ST8SIA1: variants seen among roughly 807,000 people sequenced by gnomAD.
ST8SIA1 encodes alpha-N-acetylneuraminide alpha-2,8-sialyltransferase.
In ST8SIA1, 16 loss-of-function variants were observed where a neutral mutation model predicts 35.9. The observed-to-expected ratio is 0.45, with a 90% CI of 0.30 to 0.68. ST8SIA1 has a LOEUF of 0.68. Ranked by LOEUF, ST8SIA1 falls within the 30% of genes least tolerant of loss-of-function variation. The pLI, the probability that ST8SIA1 is intolerant of heterozygous loss-of-function variation, is 0.09. For synonymous variants in ST8SIA1, 170 were observed against 169.6 expected, an observed-to-expected ratio of 1.00 and a Z score of -0.02; for missense variants, 383 against 453.6, an observed-to-expected ratio of 0.84 and a Z score of 1.41.
chr12:22,222,796 A>C (rs1209623253), intron 4 of ST8SIA1, among the ~76,000 whole-genome samples: 1 of 152,046 alleles, frequency 6.6e-6, no homozygotes, highest in Non-Finnish European at 1.5e-5. Flanking sequence ...TTTAACCCAA[A>C]TATTATATAT....
chr12:22,271,658 A>G (rs545468321), intron 2 of ST8SIA1, among the ~76,000 whole-genome samples: 2 of 152,352 alleles, frequency 1.3e-5, no homozygotes, highest in South Asian at 2.1e-4. Context: ...CATTCAGTCA[A>G]TATGACCTAT....
intron 1 of ST8SIA1, among the ~76,000 whole-genome samples, chr12:22,312,805 T>C (rs1056155655): frequency 1.7e-4 from 26 of 152,092 alleles, no homozygotes; most frequent in African/African-American, 5.8e-4. Flanking sequence ...CAAGCAAAAC[T>C]TTACTAAACT....
intron 4 of ST8SIA1, among the ~76,000 whole-genome samples, chr12:22,225,801 ACT>A (rs945530723): frequency 1.3e-5 from 2 of 152,260 alleles, no homozygotes; most frequent in African/African-American, 4.8e-5. Context: ...AACAAGAACC[ACT>A]GTTTGCTCAA....
chr12:22,284,649 G>C (rs1866075357), intron 2 of ST8SIA1, among the ~76,000 whole-genome samples: 1 of 152,094 alleles, frequency 6.6e-6, no homozygotes, highest in Non-Finnish European at 1.5e-5. Context: ...TCTGCCTTTT[G>C]CAATGGCTGT....
rs73251954 is a variant in ST8SIA1 at position 22,296,163 on chromosome 12, A to G, written c.237-8870T>C. On this transcript the variant is annotated intron_variant, in intron 1 of 4. Transcript: ENST00000396037. ...TGGTATGCTGAAAGGCCATCAAGGA[A>G]ACCAGCGAATCTAGAATAAAGTGAG... Among the ~76,000 whole-genome samples the G allele has an allele frequency of 8.7e-4, 133 of 152,284 alleles. 1 individual carries two copies. Among genetic ancestry groups the G allele is most frequent in the African/African-American group, 3.0e-3 (124 of 41,572 alleles).
At chr12:22,304,242 C>A (rs1319867788) in intron 1 of ST8SIA1, among the ~76,000 whole-genome samples, 1 of 151,682 alleles carries the variant, frequency 6.6e-6, no homozygotes, top group African/African-American at 2.4e-5. Flanking sequence ...AGCTAACATC[C>A]AAAAATGTAT....
intron 1 of ST8SIA1, among the ~76,000 whole-genome samples, chr12:22,315,432 TG>T (rs1374751620): frequency 6.6e-6 from 1 of 152,174 alleles, no homozygotes; most frequent in Admixed American, 6.6e-5. Context: ...TAACACGTAC[TG>T]ATTTTTAAAA....
intron 1 of ST8SIA1, among the ~76,000 whole-genome samples, chr12:22,289,302 T>TATTATC (rs1866146247): frequency 6.6e-6 from 1 of 151,678 alleles, no homozygotes; most frequent in South Asian, 2.1e-4. Flanking sequence ...TTATTATTAT[T>TATTATC]ATCATCATGA....
At chr12:22,204,131 G>T (rs1865079916) in intron 4 of ST8SIA1, among the ~76,000 whole-genome samples, 1 of 151,622 alleles carries the variant, frequency 6.6e-6, no homozygotes, top group Non-Finnish European at 1.5e-5. Context: ...GAGACAAGCT[G>T]TTTCACATAT....
intron 2 of ST8SIA1, among the ~76,000 whole-genome samples, chr12:22,274,715 C>T (rs183706402): frequency 4.6e-5 from 7 of 152,196 alleles, no homozygotes; most frequent in Non-Finnish European, 8.8e-5. Flanking sequence ...GCATCCAGGA[C>T]CTTTCCTTCT....
intron 1 of ST8SIA1, among the ~76,000 whole-genome samples, chr12:22,319,716 A>G (rs1866560035): frequency 6.6e-6 from 1 of 152,112 alleles, no homozygotes; most frequent in African/African-American, 2.4e-5. Context: ...AGAAAAACCT[A>G]TTGAGAATGG....
At position 22,230,579 on chromosome 12, in the gene ST8SIA1, A is replaced by C. The variant is rs185162161; in HGVS notation, c.584+18427T>G. ...GTGTCTGCAGTTTCTCCAGTTAAAGAATTATTCTATTTCTTTAAAGCATTT... is the reference window on the plus strand; with the variant it reads ...GTGTCTGCAGTTTCTCCAGTTAAAGCATTATTCTATTTCTTTAAAGCATTT... On this transcript the variant is annotated intron_variant, in intron 4 of 4. Coordinates refer to ENST00000396037, the MANE Select transcript of ST8SIA1 (RefSeq NM_003034.4). Among the ~76,000 whole-genome samples, 11 of 152,292 alleles carry C rather than the reference A, an allele frequency of 7.2e-5. No homozygotes were observed. The East Asian group carries it at 2.1e-3, about 29-fold the overall frequency.
intron 1 of ST8SIA1, among the ~76,000 whole-genome samples, chr12:22,320,856 GAAAA>G (rs1322410655): frequency 1.8e-5 from 2 of 113,962 alleles, no homozygotes; most frequent in Non-Finnish European, 1.9e-5. Flanking sequence ...AGAGAGAGAA[GAAAA>G]AAAGAAAGAA....
rs1865025808 is a variant in ST8SIA1 at position 22,199,360 on chromosome 12, T to C, written c.*2192A>G. 1 of 103,266 alleles carries C rather than the reference T, an allele frequency of 9.7e-6. No individual in the cohort carries two copies. Among genetic ancestry groups the C allele is most frequent in the Non-Finnish European group, 2.2e-5 (1 of 45,884 alleles). 6.4% of individuals were successfully genotyped at this position (103,266 alleles called of 1,614,324 possible). On this transcript the variant is annotated 3_prime_UTR_variant, in exon 5 of 5. Transcript: ENST00000396037. The stretch of plus-strand genomic sequence containing the variant: ...ATTAAAGTACTAATCTGAGTAACAT[T>C]TTATTAACTTTTATATGCGTTTTTG...
chr12:22,301,269 T>C (rs988256413), intron 1 of ST8SIA1, among the ~76,000 whole-genome samples: 4 of 142,444 alleles, frequency 2.8e-5, no homozygotes, highest in Non-Finnish European at 6.3e-5. Flanking sequence ...AGAATAGTGG[T>C]AAAACTTTCA....
In ST8SIA1 at chr12:22,198,636, A is replaced by G. The variant is rs1865016988; in HGVS notation, c.*2916T>C. The G allele has an allele frequency of 6.6e-6, 1 of 152,028 alleles. No homozygotes were observed. Among genetic ancestry groups the G allele is most frequent in the Admixed American group, 6.6e-5 (1 of 15,256 alleles). The allele number at this position is 152,028 out of a possible 1,614,324, so 9.4% of individuals were successfully genotyped here. On this transcript the variant is annotated 3_prime_UTR_variant, in exon 5 of 5. Coordinates refer to ENST00000396037, the MANE Select transcript of ST8SIA1 (RefSeq NM_003034.4). ...ATCTAGTGAGTTGTAATCTACCATAAGAAAATATTTTCATTAAATTGTAGT... is the reference window on the plus strand; with the variant it reads ...ATCTAGTGAGTTGTAATCTACCATAGGAAAATATTTTCATTAAATTGTAGT...
chr12:22,231,161 T>C (rs1348439722), intron 4 of ST8SIA1, among the ~76,000 whole-genome samples: 1 of 148,496 alleles, frequency 6.7e-6, no homozygotes, highest in Non-Finnish European at 1.5e-5. Flanking sequence ...ATAATACATA[T>C]ATAATATTAT....
intron 1 of ST8SIA1, among the ~76,000 whole-genome samples, chr12:22,299,613 A>G (rs548304541): frequency 2.0e-5 from 3 of 152,314 alleles, no homozygotes; most frequent in South Asian, 4.1e-4. Context: ...AAGGGAAATT[A>G]TAATGGTCTT....
At chr12:22,272,496 T>C (rs949355875) in intron 2 of ST8SIA1, among the ~76,000 whole-genome samples, 1 of 152,252 alleles carries the variant, frequency 6.6e-6, no homozygotes, top group Non-Finnish European at 1.5e-5. Flanking sequence ...TTGGGAACTA[T>C]ATTGACTGGC....
Sources: gnomAD v4.1 joint callset for allele counts (sites outside exome capture counted in the v4.1 genomes callset) on GRCh38, gnomAD v4.1.1 for gene constraint, MANE v1.5 for transcripts, NCBI Gene and HGNC (gene_info 2026-07-23, HGNC 2026-07-21) for gene names.